Variants in MBNL1 observed in about 807,000 individuals in gnomAD.
MBNL1 encodes the protein muscleblind-like protein 1.
A neutral mutation model predicts 42.2 loss-of-function variants in MBNL1; 8 were observed. The ratio of observed to expected loss-of-function variants is 0.19; its 90% CI spans 0.11 to 0.34. The LOEUF (loss-of-function observed/expected upper bound fraction) is 0.34. Among genes scored for constraint, MBNL1 ranks in the 10% least tolerant of loss-of-function variants. The pLI, the probability that MBNL1 is intolerant of heterozygous loss-of-function variation, is 1.00. For synonymous variants in MBNL1, 169 were observed against 173.9 expected (o/e 0.97, Z 0.22); for missense variants, 309 against 495.3 (o/e 0.62, Z 3.57).
intron 2 of MBNL1, among the ~76,000 whole-genome samples, chr3:152,254,522 T>C (rs1335428855): frequency 6.6e-6 from 1 of 152,168 alleles, no homozygotes; most frequent in Non-Finnish European, 1.5e-5. Flanking sequence ...CATCTGCCTA[T>C]GCTGGCCTCA....
At chr3:152,335,595 G>C (rs1057401304) in intron 2 of MBNL1, among the ~76,000 whole-genome samples, 1 of 151,354 alleles carries the variant, frequency 6.6e-6, no homozygotes, top group Non-Finnish European at 1.5e-5. Context: ...GAAAGCAGTT[G>C]TTCCTCCTTT....
At chr3:152,324,396 A>G (rs535542691) in intron 2 of MBNL1, among the ~76,000 whole-genome samples, 13 of 152,146 alleles carry the variant, frequency 8.5e-5, no homozygotes, top group Non-Finnish European at 1.9e-4. Context: ...TTAGTCTGTT[A>G]AAGTCACTCT....
In MBNL1 at chr3:152,456,463, G is replaced by A. The variant is rs576080950; in HGVS notation, c.1092+102G>A. On this transcript the variant is annotated intron_variant, in intron 8 of 9. Transcript: ENST00000324210. ...TTTCCCATTGAGGTCAGTGGGAATCGTGTGTACGTGAGGGCTGTAGAGGGT... is the reference window on the plus strand; with the variant it reads ...TTTCCCATTGAGGTCAGTGGGAATCATGTGTACGTGAGGGCTGTAGAGGGT... The A allele has an allele frequency of 1.6e-5, 15 of 926,234 alleles. No individual in the cohort carries two copies. In the East Asian group the frequency reaches 1.7e-4, roughly 11 times the overall value. The allele number at this position is 926,234 out of a possible 1,614,324, so 57.4% of individuals were successfully genotyped here. A position where few individuals can be genotyped will look rare whatever the true frequency, so the allele number is the denominator to read the frequency against.
At chr3:152,264,912 T>A (rs941000095), upstream of MBNL1, 31 of 152,132 alleles carry the variant, frequency 2.0e-4, no homozygotes, top group Admixed American at 2.0e-3. Flanking sequence ...TTGTATTATA[T>A]ATCAAATATA....
At chr3:152,443,184 C>G (rs944963829) in intron 4 of MBNL1, among the ~76,000 whole-genome samples, 6 of 142,360 alleles carry the variant, frequency 4.2e-5, no homozygotes, top group African/African-American at 8.2e-5. Context: ...GTAGAAACCC[C>G]CCCCCCCACA....
upstream of MBNL1, chr3:152,263,482 CT>C (rs369160104): frequency 4.5e-4 from 69 of 152,268 alleles, no homozygotes; most frequent in African/African-American, 1.4e-3. Context: ...TTCTCTTCAA[CT>C]CTGAGATGTA....
chr3:152,450,904 C>G (rs1721537270), intron 6 of MBNL1, among the ~76,000 whole-genome samples: 1 of 152,200 alleles, frequency 6.6e-6, no homozygotes, highest in African/African-American at 2.4e-5. Context: ...AAAGGAAATT[C>G]ATCTTACCAC....
At chr3:152,322,354 A>T (rs2076957262) in intron 2 of MBNL1, among the ~76,000 whole-genome samples, 1 of 152,090 alleles carries the variant, frequency 6.6e-6, no homozygotes, top group South Asian at 2.1e-4. Flanking sequence ...CATCCCCAAG[A>T]TTAAAAAAAC....
chr3:152,407,071 GTT>G (rs869270186), intron 2 of MBNL1, among the ~76,000 whole-genome samples: 7 of 151,464 alleles, frequency 4.6e-5, no homozygotes, highest in African/African-American at 9.7e-5. Flanking sequence ...GTGTGTGTGT[GTT>G]TGTGTGAACT....
chr3:152,302,576 C>T (rs2061166401), intron 2 of MBNL1: 2 of 152,084 alleles, frequency 1.3e-5, no homozygotes, highest in Admixed American at 6.6e-5. Context: ...TAGCAGTCCT[C>T]TTGTATTCAG....
chr3:152,324,981 C>T (rs1330541109), intron 2 of MBNL1, among the ~76,000 whole-genome samples: 1 of 148,472 alleles, frequency 6.7e-6, no homozygotes, highest in South Asian at 2.1e-4. Flanking sequence ...TTGCCATGTA[C>T]AGTGGGTCAT....
intron 8 of MBNL1, chr3:152,458,975 A>G (rs910586518): frequency 6.2e-5 from 13 of 210,292 alleles, no homozygotes; most frequent in South Asian, 1.6e-4. Context: ...GTGTGTGTGT[A>G]GGCCAACAAA....
intron 2 of MBNL1, among the ~76,000 whole-genome samples, chr3:152,307,497 G>A (rs538446547): frequency 6.6e-6 from 1 of 152,272 alleles, no homozygotes; most frequent in Admixed American, 6.5e-5. Context: ...GAAACTTAAT[G>A]TATGTCAATC....
At chr3:152,460,172 T>G (rs1742598167) in intron 9 of MBNL1, among the ~76,000 whole-genome samples, 1 of 151,710 alleles carries the variant, frequency 6.6e-6, no homozygotes, top group South Asian at 2.1e-4. Context: ...GAGGATCACT[T>G]GAGCCCAGGA....
intron 2 of MBNL1, among the ~76,000 whole-genome samples, chr3:152,366,635 T>C (rs1384179666): frequency 6.6e-6 from 1 of 152,194 alleles, no homozygotes; most frequent in African/African-American, 2.4e-5. Context: ...TTTGATAGGA[T>C]ACTTTGGTAG....
rs532875792 is a variant in MBNL1, at chr3:152,276,235, G to A, written c.-790+7143G>A. 5.3e-5 allele frequency among the ~76,000 whole-genome samples: 8 copies of A among 152,258 alleles called. No individual in the cohort carries two copies. In the South Asian group the frequency reaches 8.3e-4, roughly 16 times the overall value. On this transcript the variant is annotated intron_variant, in intron 1 of 9. Transcript: ENST00000324210. ...AAAGAATAGCGATGAGAATATAGCTGTAATTATGATTACTAACATCTTTGA... is the reference window on the plus strand; with the variant it reads ...AAAGAATAGCGATGAGAATATAGCTATAATTATGATTACTAACATCTTTGA...
At chr3:152,301,235 A>G (rs1577394396) in intron 2 of MBNL1, among the ~76,000 whole-genome samples, 1 of 152,222 alleles carries the variant, frequency 6.6e-6, no homozygotes, top group Admixed American at 6.5e-5. Context: ...GAGTCTTTTA[A>G]AAGATAACAT....
chr3:152,352,592 GT>G (rs553800149), intron 2 of MBNL1, among the ~76,000 whole-genome samples: 1 of 150,084 alleles, frequency 6.7e-6, no homozygotes. Context: ...TGCTGTTGTT[GT>G]TTTTTTTTGG....
At chr3:152,351,966 T>A (rs2095051782) in intron 2 of MBNL1, among the ~76,000 whole-genome samples, 1 of 152,200 alleles carries the variant, frequency 6.6e-6, no homozygotes, top group Admixed American at 6.5e-5. Context: ...TCCACTTTAT[T>A]TATTTTTTTC....
Sources: allele counts gnomAD v4.1 joint callset (sites outside exome capture counted in the v4.1 genomes callset), GRCh38; gene constraint gnomAD v4.1.1; transcripts MANE v1.5; gene names NCBI Gene and HGNC (gene_info 2026-07-23, HGNC 2026-07-21).